The following RIF1 variants were observed in gnomAD, a reference collection of about 807,000 sequenced individuals.
The protein encoded by RIF1 is telomere-associated protein RIF1.
A neutral mutation model predicts 247.1 loss-of-function variants in RIF1; 45 were observed. The observed-to-expected ratio is 0.18, with a 90% confidence interval of 0.14 to 0.23. The LOEUF (loss-of-function observed/expected upper bound fraction) is 0.23, where lower values mean the gene tolerates loss of function less well. Among genes scored for constraint, RIF1 ranks in the 10% least tolerant of loss-of-function variants. The pLI is 1.00. For synonymous variants in RIF1, 1,087 were observed against 978.8 expected, an observed-to-expected ratio of 1.11 and a Z score of -2.06; for missense variants, 2,967 against 2,862.5, an observed-to-expected ratio of 1.04 and a Z score of -0.83.
In RIF1 at chr2:151,475,357, C is replaced by G. The variant is rs1005058215; in HGVS notation, c.*286C>G. ...AAAGCAAAACTAGTAACAGAACTTA[C>G]ATTTTATTTCATGCTTTCTTAAACC... On this transcript the variant is annotated 3_prime_UTR_variant, in exon 36 of 36. Transcript: ENST00000444746. 5.9e-6 allele frequency: 2 copies of G among 341,872 alleles called. No homozygotes were observed. The highest frequency in any genetic ancestry group is 1.1e-5 in the Non-Finnish European group (2 of 185,872). The allele number at this position is 341,872 out of a possible 1,614,324, so 21.2% of individuals were successfully genotyped here. A position where few individuals can be genotyped will look rare whatever the true frequency, so the allele number is the denominator to read the frequency against.
At chr2:151,420,841 A>G (rs1450535485) in intron 7 of RIF1, among the ~76,000 whole-genome samples, 6 of 152,256 alleles carry the variant, frequency 3.9e-5, no homozygotes, top group African/African-American at 1.4e-4. Flanking sequence ...AAGTTAGCAA[A>G]GGCACATTGC....
At chr2:151,501,945 T>G (rs989889396) in intron 11 of RIF1, among the ~76,000 whole-genome samples, 1 of 152,208 alleles carries the variant, frequency 6.6e-6, no homozygotes, top group South Asian at 2.1e-4. Context: ...AAAATTAATT[T>G]ATATCTTACA....
At chr2:151,432,018 TA>T (rs1320591973) in intron 9 of RIF1, among the ~76,000 whole-genome samples, 3 of 152,124 alleles carry the variant, frequency 2.0e-5, no homozygotes, top group Admixed American at 1.3e-4. Flanking sequence ...TTTATTTATT[TA>T]TTTATTCAGG....
Position 151,465,068 on chromosome 2 carries a change from G to C in RIF1, c.5548G>C (p.Glu1850Gln). 1 of 1,594,882 alleles carries C rather than the reference G, an allele frequency of 6.3e-7. No homozygotes were observed. The highest frequency in any genetic ancestry group is 8.5e-7 in the Non-Finnish European group (1 of 1,175,376). Residue 1850 changes from glutamate (E) to glutamine (Q), a missense_variant, in exon 30 of 36, where the codon GAA (glutamate) becomes CAA (glutamine). Glu to Gln is a conservative substitution (Grantham distance 29). Transcript: ENST00000444746. ...DMDSSEAMSL[E>Q]SQESPNENFK... ...GGATTCTAGTGAAGCAATGTCTCTT[G>C]AAAGCCAGGAGTCACCTAATGAAAA...
rs527578154 is a variant in RIF1 at position 151,446,632 on chromosome 2, T to G, written c.2244+57T>G. The G allele has an allele frequency of 3.4e-5, 52 of 1,522,408 alleles. No individual in the cohort carries two copies. In the African/African-American group the frequency reaches 6.4e-4, roughly 19 times the overall value. The allele number at this position is 1,522,408 out of a possible 1,614,324, so 94.3% of individuals were successfully genotyped here. A position where few individuals can be genotyped will look rare whatever the true frequency, so the allele number is the denominator to read the frequency against. On this transcript the variant is annotated intron_variant, in intron 20 of 35. Transcript: ENST00000444746. ...TTGTTTTTAAAGGATTCTTTTCAAG[T>G]AAATGGAGATAATATTTGTGAACTG... is the stretch of plus-strand genomic sequence containing the variant.
chr2:151,508,512 C>T (rs1225137663), downstream of RIF1, among the ~76,000 whole-genome samples: 3 of 152,182 alleles, frequency 2.0e-5, no homozygotes, highest in African/African-American at 7.2e-5. Context: ...CGGAGAGAAG[C>T]TGGAGGGTTA....
chr2:151,448,649 T>C (rs572784145), intron 20 of RIF1, among the ~76,000 whole-genome samples: 1 of 152,346 alleles, frequency 6.6e-6, no homozygotes, highest in South Asian at 2.1e-4. Flanking sequence ...CCAAAGGACT[T>C]ACCTAATCGC....
intron 20 of RIF1, among the ~76,000 whole-genome samples, chr2:151,447,611 T>C (rs1215478924): frequency 6.6e-6 from 1 of 152,204 alleles, no homozygotes; most frequent in Non-Finnish European, 1.5e-5. Flanking sequence ...AGTGGCACGA[T>C]CTCAGCTCAC....
chr2:151,465,978 C>G lies in RIF1; in HGVS notation c.6458C>G (p.Pro2153Arg). 1 of 1,614,042 alleles carries G rather than the reference C, an allele frequency of 6.2e-7. No individual in the cohort carries two copies. The highest frequency in any genetic ancestry group is 8.5e-7 in the Non-Finnish European group (1 of 1,179,926). ...ASPQKLRELD[P>R]SLVSANDSPS... is the part of the protein sequence containing the mutation. Reference sequence around the variant, plus strand: ...CCTCAAAAACTAAGGGAACTTGATCCTTCACTTGTGTCAGCAAATGACAGT... The same window carrying G: ...CCTCAAAAACTAAGGGAACTTGATCGTTCACTTGTGTCAGCAAATGACAGT... Residue 2153 changes from proline (P) to arginine (R), a missense_variant, in exon 30 of 36, where the codon CCT (proline) becomes CGT (arginine). By Grantham distance (103) the Pro-to-Arg change is moderately radical. This residue lies in a region of RIF1 where 2,028 missense variants were observed against 1,825.6 expected (regional missense o/e 1.11). Transcript: ENST00000444746.
intron 9 of RIF1, among the ~76,000 whole-genome samples, chr2:151,429,130 A>G (rs1393716180): frequency 6.6e-6 from 1 of 152,232 alleles, no homozygotes; most frequent in Non-Finnish European, 1.5e-5. Flanking sequence ...TCTGTTTCAC[A>G]GTATTTCAAA....
At chr2:151,517,290 C>G in the RIF1 span, among the ~76,000 whole-genome samples, 5 of 152,304 alleles carry the variant, frequency 3.3e-5, no homozygotes, top group East Asian at 9.6e-4. Context: ...GACCCTCATG[C>G]ACGCAGCACC....
chr2:151,527,066 C>A, the RIF1 span: 1 of 1,310,984 alleles, frequency 7.6e-7, no homozygotes, highest in Non-Finnish European at 1.1e-6. Flanking sequence ...GGTGACAGCA[C>A]AGGAGGAAGC....
the RIF1 span, chr2:151,519,886 C>G: frequency 1.5e-6 from 1 of 653,096 alleles, no homozygotes; most frequent in Non-Finnish European, 2.7e-6. Context: ...ATCATATAAT[C>G]TATTATCCAA....
At chr2:151,520,583 A>G in the RIF1 span, among the ~76,000 whole-genome samples, 15 of 152,314 alleles carry the variant, frequency 9.8e-5, no homozygotes, top group African/African-American at 3.1e-4. Context: ...AGAGGATGAT[A>G]GCCAGGTGTG....
rs577995878 is a variant in RIF1 at position 151,446,370 on chromosome 2, A to C, written c.2095-56A>C. Reference sequence around the variant, plus strand: ...ATGTTAAAGATGTATTGATTCTATAAACTTTGATAGATAGGTATATATTAA... The same window carrying C: ...ATGTTAAAGATGTATTGATTCTATACACTTTGATAGATAGGTATATATTAA... On this transcript the variant is annotated intron_variant, in intron 19 of 35. Transcript: ENST00000444746. 8.9e-6 allele frequency: 13 copies of C among 1,463,326 alleles called. No homozygotes were observed. In the East Asian group the frequency reaches 2.7e-4, roughly 31 times the overall value. 90.6% of individuals were successfully genotyped at this position (1,463,326 alleles called of 1,614,324 possible). A position where few individuals can be genotyped will look rare whatever the true frequency, so the allele number is the denominator to read the frequency against.
chr2:151,425,197 A>G (rs1040611955), intron 8 of RIF1, among the ~76,000 whole-genome samples: 2 of 151,700 alleles, frequency 1.3e-5, no homozygotes, highest in Non-Finnish European at 2.9e-5. Context: ...TGTTTGTTTC[A>G]TTGTCTGTGG....
intron 9 of RIF1, chr2:151,491,954 CTA>C (rs1208992134): frequency 6.7e-6 from 7 of 1,046,598 alleles, no homozygotes; most frequent in African/African-American, 3.2e-5. Context: ...GCTTTGTAAA[CTA>C]TGAGATAATA....
downstream of RIF1, among the ~76,000 whole-genome samples, chr2:151,484,589 C>T (rs2049391332): frequency 5.3e-5 from 8 of 152,192 alleles, no homozygotes; most frequent in South Asian, 1.7e-3. Flanking sequence ...GAGGGAGACT[C>T]TGTCTCCAAA....
chr2:151,456,719 G>T (rs756890385), intron 23 of RIF1, 99 bp downstream of exon 23: 110 of 673,860 alleles, frequency 1.6e-4, no homozygotes, highest in Middle Eastern at 6.9e-4. Flanking sequence ...TTTTTAAAGG[G>T]GTTATTCCTT....
Sources: gnomAD v4.1 joint callset for allele counts (sites outside exome capture counted in the v4.1 genomes callset) on GRCh38, gnomAD v4.1.1 for gene constraint, gnomAD v4.1.1 regional missense constraint, MANE v1.5 for transcripts, NCBI Gene and HGNC (gene_info 2026-07-23, HGNC 2026-07-21) for gene names.